Variants in RORA observed in about 807,000 individuals in gnomAD.
RORA encodes the protein RAR related orphan receptor A, also known as nuclear receptor ROR-alpha.
RORA carries 7 observed loss-of-function variants against 69.5 expected under a neutral mutation model. The ratio of observed to expected loss-of-function variants is 0.10; its 90% CI spans 0.06 to 0.19. RORA has a LOEUF of 0.19. RORA is among the 10% of genes least tolerant of loss of function. RORA has a pLI of 1.00. For synonymous variants in RORA, 261 were observed against 240.8 expected (o/e 1.08, Z -0.78); for missense variants, 457 against 663.0 (o/e 0.69, Z 3.41).
At chr15:61,217,294 CT>C (rs1473916487) in intron 1 of RORA, among the ~76,000 whole-genome samples, 1 of 152,136 alleles carries the variant, frequency 6.6e-6, no homozygotes, top group African/African-American at 2.4e-5. Context: ...TAAAAGAGGC[CT>C]GGCAGAGGAA....
chr15:60,535,064 C>A (rs1026212218), intron 2 of RORA, among the ~76,000 whole-genome samples: 1 of 152,114 alleles, frequency 6.6e-6, no homozygotes, highest in African/African-American at 2.4e-5. Context: ...CAGTTTCCCA[C>A]CAGGTAGTGT....
chr15:61,109,405 G>A (rs1021209643), intron 1 of RORA, among the ~76,000 whole-genome samples: 26 of 152,194 alleles, frequency 1.7e-4, no homozygotes, highest in Non-Finnish European at 8.8e-5. Context: ...TAAAGGCCAC[G>A]GGATTTATCC....
intron 1 of RORA, among the ~76,000 whole-genome samples, chr15:61,123,127 G>T (rs1356015239): frequency 1.3e-5 from 2 of 152,140 alleles, no homozygotes; most frequent in African/African-American, 4.8e-5. Flanking sequence ...TCAGGAGGCT[G>T]GGGTTTTAAT....
At chr15:60,626,631 T>A (rs2069589778) in intron 2 of RORA, among the ~76,000 whole-genome samples, 1 of 152,204 alleles carries the variant, frequency 6.6e-6, no homozygotes, top group African/African-American at 2.4e-5. Flanking sequence ...TCGCTGTTAT[T>A]ACCCCCATTT....
intron 1 of RORA, among the ~76,000 whole-genome samples, chr15:61,158,854 A>G (rs1232321220): frequency 6.6e-6 from 1 of 152,234 alleles, no homozygotes; most frequent in East Asian, 1.9e-4. Flanking sequence ...GATGAAGGCA[A>G]GGATGAAGTG....
intron 2 of RORA, among the ~76,000 whole-genome samples, chr15:60,574,853 T>C (rs974298267): frequency 6.6e-6 from 1 of 152,026 alleles, no homozygotes; most frequent in Non-Finnish European, 1.5e-5. Flanking sequence ...TTTGGAAAAA[T>C]TTCCAGATCC....
chr15:60,847,915 A>G (rs1401677144), intron 1 of RORA: 4 of 152,244 alleles, frequency 2.6e-5, no homozygotes, highest in Non-Finnish European at 5.9e-5. Flanking sequence ...GTCTTCATCC[A>G]TGTACAAGTT....
At chr15:60,969,437 C>A (rs1893645557) in intron 1 of RORA, among the ~76,000 whole-genome samples, 1 of 152,104 alleles carries the variant, frequency 6.6e-6, no homozygotes, top group South Asian at 2.1e-4. Flanking sequence ...TTGGGTGATT[C>A]TAATGTGCAG....
intron 1 of RORA, among the ~76,000 whole-genome samples, chr15:60,685,956 C>T (rs532050488): frequency 3.9e-5 from 6 of 152,222 alleles, no homozygotes; most frequent in Admixed American, 1.3e-4. Flanking sequence ...AATATTTCAG[C>T]TCTTTTACCA....
At chr15:60,947,131 G>A (rs1417772374) in intron 1 of RORA, among the ~76,000 whole-genome samples, 2 of 148,556 alleles carry the variant, frequency 1.3e-5, no homozygotes, top group Non-Finnish European at 3.0e-5. Context: ...GCCCCCACCC[G>A]GCCAGCCCCT....
At chr15:61,052,886 G>A (rs2078033556) in intron 1 of RORA, among the ~76,000 whole-genome samples, 1 of 152,168 alleles carries the variant, frequency 6.6e-6, no homozygotes, top group Non-Finnish European at 1.5e-5. Context: ...CCTGTACCTC[G>A]CTGACCTAGC....
intron 1 of RORA, among the ~76,000 whole-genome samples, chr15:60,757,141 G>C (rs995703814): frequency 1.3e-5 from 2 of 152,112 alleles, no homozygotes; most frequent in Admixed American, 6.6e-5. Context: ...CATAAGTTTA[G>C]AAATGGCTGG....
At chr15:60,733,448 A>G (rs1309042727) in intron 1 of RORA, among the ~76,000 whole-genome samples, 2 of 152,202 alleles carry the variant, frequency 1.3e-5, no homozygotes, top group Admixed American at 6.5e-5. Flanking sequence ...CTGAAGAGTG[A>G]GCAGTGTTAC....
chr15:60,614,239 T>C (rs1397849268), intron 2 of RORA, among the ~76,000 whole-genome samples: 1 of 152,164 alleles, frequency 6.6e-6, no homozygotes, highest in Middle Eastern at 3.2e-3. Context: ...TTTGGCTTAA[T>C]GGAGTACTTT....
chr15:60,515,967 A>T lies in RORA; in HGVS notation c.283-1210T>A, dbSNP rs867607126. Among the ~76,000 whole-genome samples the T allele has an allele frequency of 2.6e-3, 34 of 13,308 alleles. 5 individuals are homozygous for T. Among genetic ancestry groups the T allele is most frequent in the African/African-American group, 7.2e-3 (28 of 3,910 alleles). 8.7% of individuals were successfully genotyped at this position (13,308 alleles called of 152,430 possible). On this transcript the variant is annotated intron_variant, in intron 3 of 10. Transcript: ENST00000335670. ...TATATATTTATATATTTATATTTAT[A>T]TATATTTATATATTTATATATATTT...
At chr15:60,620,171 A>C (rs2069366801) in intron 2 of RORA, among the ~76,000 whole-genome samples, 1 of 152,256 alleles carries the variant, frequency 6.6e-6, no homozygotes, top group African/African-American at 2.4e-5. Context: ...GTGCACAGTA[A>C]GTATTAATGC....
At chr15:61,092,343 C>T (rs1222042400) in intron 1 of RORA, among the ~76,000 whole-genome samples, 3 of 152,208 alleles carry the variant, frequency 2.0e-5, no homozygotes, top group South Asian at 2.1e-4. Flanking sequence ...TTAGGTCTCT[C>T]GGTAACCAAC....
At chr15:60,588,943 G>T (rs1051033987) in intron 2 of RORA, among the ~76,000 whole-genome samples, 2 of 152,142 alleles carry the variant, frequency 1.3e-5, no homozygotes, top group African/African-American at 4.8e-5. Flanking sequence ...CTACTTCATG[G>T]AGGGTCCAGG....
At chr15:61,137,572 G>A (rs978051995) in intron 1 of RORA, among the ~76,000 whole-genome samples, 21 of 151,996 alleles carry the variant, frequency 1.4e-4, no homozygotes, top group African/African-American at 5.1e-4. Context: ...AGCAGTCACA[G>A]AGCTGTGCCA....
Sources: allele counts gnomAD v4.1 joint callset (sites outside exome capture counted in the v4.1 genomes callset), GRCh38; gene constraint gnomAD v4.1.1; transcripts MANE v1.5; gene names NCBI Gene and HGNC (gene_info 2026-07-23, HGNC 2026-07-21).